FAM184A: variants seen among roughly 807,000 people sequenced by gnomAD.
FAM184A encodes the protein protein FAM184A.
Under a neutral mutation model 143.8 loss-of-function variants are expected in FAM184A, and 99 were observed. The ratio of observed to expected loss-of-function variants is 0.69; its 90% CI spans 0.58 to 0.81. The LOEUF (loss-of-function observed/expected upper bound fraction) is 0.81, where lower values mean the gene tolerates loss of function less well. FAM184A is among the 40% of genes least tolerant of loss of function. The pLI, the probability that FAM184A is intolerant of heterozygous loss-of-function variation, is 0.00. For synonymous variants in FAM184A, 427 were observed against 446.4 expected, an observed-to-expected ratio of 0.96 and a Z score of 0.55; for missense variants, 1,217 against 1,310.5, an observed-to-expected ratio of 0.93 and a Z score of 1.10.
At chr6:119,057,951 C>T (rs1196181241) in intron 1 of FAM184A, 2 of 144,858 alleles carry the variant, frequency 1.4e-5, no homozygotes, top group East Asian at 2.1e-4. Context: ...TAAAACTCCC[C>T]CGCTCCTAAA....
intron 1 of FAM184A, among the ~76,000 whole-genome samples, chr6:119,084,197 T>C (rs776070733): frequency 6.6e-6 from 1 of 152,126 alleles, no homozygotes; most frequent in Non-Finnish European, 1.5e-5. Context: ...GTCCCCATGA[T>C]TCAATCACCT....
At position 119,040,988 on chromosome 6, in the gene FAM184A, T is replaced by C. The variant is rs531150821; in HGVS notation, c.160-16175A>G. 5.9e-5 allele frequency among the ~76,000 whole-genome samples: 9 copies of C among 152,284 alleles called. No homozygotes were observed. The East Asian group carries it at 1.4e-3, about 23-fold the overall frequency. On this transcript the variant is annotated intron_variant, in intron 1 of 17. Transcript: ENST00000338891. The stretch of plus-strand genomic sequence containing the variant: ...TTTGCAAGCATTTGAGGGGTTTCCA[T>C]GCGTGTTCCTTCCACTTCCTCCTTT...
intron 1 of FAM184A, among the ~76,000 whole-genome samples, chr6:119,097,535 T>TTA (rs998210424): frequency 1.9e-4 from 29 of 152,008 alleles, no homozygotes; most frequent in Admixed American, 5.2e-4. Flanking sequence ...ACATATACAT[T>TTA]TATATATATA....
rs374191329 is a variant in FAM184A, at chr6:118,980,224, G to T, written c.2215C>A (p.Gln739Lys). ...LTQELEELEE[Q>K]HQQRHKSLKE... ...AATGATTTGTGTCTTTGCTGATGTTGCTCCTCTAATTCTTCAAGCTCTTGC... is the reference window on the plus strand; with the variant it reads ...AATGATTTGTGTCTTTGCTGATGTTTCTCCTCTAATTCTTCAAGCTCTTGC... Residue 739 changes from glutamine (Q) to lysine (K), a missense_variant, in exon 10 of 18, where the codon CAA (glutamine) becomes AAA (lysine). Physicochemically the swap from Gln to Lys is moderately conservative, Grantham distance 53. Transcript: ENST00000338891. The T allele has an allele frequency of 1.1e-5, 18 of 1,614,076 alleles. No homozygotes were observed. The highest frequency in any genetic ancestry group is 1.4e-5 in the Non-Finnish European group (16 of 1,179,992).
chr6:119,050,707 A>C (rs907928282), intron 1 of FAM184A, among the ~76,000 whole-genome samples: 4 of 151,840 alleles, frequency 2.6e-5, no homozygotes, highest in African/African-American at 9.7e-5. Context: ...CGGGAGGTTG[A>C]GGCAGGAGAA....
chr6:118,980,248 G>A lies in FAM184A; in HGVS notation c.2191C>T (p.Gln731Ter), dbSNP rs570855193. The change falls in exon 10 of 18, where the codon CAA becomes TAA. Residue 731 changes from glutamine (Q) to a stop codon, truncating the protein, a stop_gained. Coordinates refer to ENST00000338891, the MANE Select transcript of FAM184A (RefSeq NM_024581.6). LOFTEE classifies it high-confidence loss of function. ...TGCTCCTCTAATTCTTCAAGCTCTT[G>A]CGTAAGCCGCTGTCGTTCTTGCGTA... ...QFTQERQRLT[Q>*]ELEELEEQHQ... 6.2e-7 allele frequency: 1 copy of A among 1,614,024 alleles called. No individual in the cohort carries two copies. The highest frequency in any genetic ancestry group is 8.5e-7 in the Non-Finnish European group (1 of 1,179,978).
intron 1 of FAM184A, among the ~76,000 whole-genome samples, chr6:119,126,501 G>A (rs1333159812): frequency 6.6e-6 from 1 of 152,230 alleles, no homozygotes; most frequent in African/African-American, 2.4e-5. Context: ...GACGGGGAGT[G>A]TAGCTGAGTG....
intron 1 of FAM184A, among the ~76,000 whole-genome samples, chr6:119,106,393 AAAAC>A (rs930746752): frequency 8.1e-4 from 124 of 152,324 alleles, no homozygotes; most frequent in African/African-American, 2.8e-3. Flanking sequence ...ACTCCGTCTC[AAAAC>A]AAACAAACAA....
chr6:119,059,250 G>A (rs1787128452), intron 1 of FAM184A, among the ~76,000 whole-genome samples: 1 of 152,174 alleles, frequency 6.6e-6, no homozygotes, highest in Non-Finnish European at 1.5e-5. Flanking sequence ...AAAATGTGGG[G>A]ATTATAGGTG....
At position 119,136,202 on chromosome 6, in the gene FAM184A, C is replaced by T. The variant is rs377555888; in HGVS notation, c.-202+12876G>A. Among the ~76,000 whole-genome samples the T allele has an allele frequency of 1.0e-4, 14 of 138,282 alleles. No homozygotes were observed. The East Asian group carries it at 2.2e-3, about 22-fold the overall frequency. The allele number at this position is 138,282 out of a possible 152,430, so 90.7% of individuals were successfully genotyped here. On this transcript the variant is annotated intron_variant, in intron 1 of 16. Transcript: ENST00000352896. ...CTGAGGCAGGAGAATGGCGTGAACC[C>T]GGGAAGCGGAGCTTGCAGTGAGCCG...
chr6:118,978,197 AGGT>A (rs1163927801), intron 11 of FAM184A, among the ~76,000 whole-genome samples: 5 of 152,300 alleles, frequency 3.3e-5, no homozygotes, highest in African/African-American at 9.6e-5. Flanking sequence ...TCCCGCCCTC[AGGT>A]GATCCACCTG....
At chr6:119,021,252 C>A (rs1785437019) in intron 3 of FAM184A, among the ~76,000 whole-genome samples, 1 of 152,150 alleles carries the variant, frequency 6.6e-6, no homozygotes, top group African/African-American at 2.4e-5. Context: ...ATAAGCCAAT[C>A]AAAATCAAAT....
chr6:119,070,120 T>C (rs926289866), intron 1 of FAM184A, among the ~76,000 whole-genome samples: 2 of 152,162 alleles, frequency 1.3e-5, no homozygotes, highest in African/African-American at 2.4e-5. Flanking sequence ...TGTTTTTCCA[T>C]GTACTATAGA....
intron 15 of FAM184A, among the ~76,000 whole-genome samples, chr6:118,966,131 GA>G (rs1783494952): frequency 6.6e-6 from 1 of 152,152 alleles, no homozygotes; most frequent in South Asian, 2.1e-4. Flanking sequence ...ATGCATTAAG[GA>G]AAAAGGACTT....
chr6:119,088,616 G>A (rs564751654), intron 1 of FAM184A, among the ~76,000 whole-genome samples: 4 of 152,094 alleles, frequency 2.6e-5, no homozygotes, highest in African/African-American at 9.7e-5. Flanking sequence ...AAACTTCTTC[G>A]GGGTTGGCCA....
rs535841080 is a variant in FAM184A, at chr6:118,996,121, A to G, written c.2088+6778T>C. Among the ~76,000 whole-genome samples the G allele has an allele frequency of 5.3e-5, 8 of 152,338 alleles. No individual in the cohort carries two copies. The East Asian group carries it at 1.5e-3, about 29-fold the overall frequency. On this transcript the variant is annotated intron_variant, in intron 9 of 17. Transcript: ENST00000338891. ...TCTAATAAGGGAGTTTTGGGTAGGG[A>G]AAAGAAAATTAAATATTAATTCATA...
In FAM184A at chr6:119,003,637, C is replaced by T. The variant is rs767012012; in HGVS notation, c.1816-15G>A. 6.3e-7 allele frequency: 1 copy of T among 1,591,210 alleles called. No homozygotes were observed. The highest frequency in any genetic ancestry group is 8.5e-7 in the Non-Finnish European group (1 of 1,170,828). On this transcript the variant is annotated splice_polypyrimidine_tract_variant and intron_variant, in intron 7 of 17. Coordinates refer to ENST00000338891, the MANE Select transcript of FAM184A (RefSeq NM_024581.6). ...TCTAGCTCACCCTGAAGAATAAAAACTTTTCAATGAAGACTAAACTTCAAA... is the reference window on the plus strand; with the variant it reads ...TCTAGCTCACCCTGAAGAATAAAAATTTTTCAATGAAGACTAAACTTCAAA...
intron 9 of FAM184A, among the ~76,000 whole-genome samples, chr6:118,987,454 T>G (rs1197003741): frequency 6.6e-6 from 1 of 152,208 alleles, no homozygotes; most frequent in Non-Finnish European, 1.5e-5. Flanking sequence ...TCTTATGATA[T>G]ACAAAGAAAA....
intron 1 of FAM184A, among the ~76,000 whole-genome samples, chr6:119,045,729 A>T (rs553761975): frequency 1.3e-5 from 2 of 152,354 alleles, no homozygotes; most frequent in Admixed American, 1.3e-4. Context: ...AAGCTGCAAT[A>T]ACAAAGATTT....
Sources: allele counts gnomAD v4.1 joint callset (sites outside exome capture counted in the v4.1 genomes callset), GRCh38; gene constraint gnomAD v4.1.1; transcripts MANE v1.5; gene names NCBI Gene and HGNC (gene_info 2026-07-23, HGNC 2026-07-21).